The following VRK1 variants were observed in gnomAD, a reference collection of about 807,000 sequenced individuals.
VRK1 encodes serine/threonine-protein kinase VRK1.
A neutral mutation model predicts 57.1 loss-of-function variants in VRK1; 33 were observed. That is an observed-to-expected ratio of 0.58 (90% CI 0.44 to 0.77). VRK1 has a LOEUF of 0.77. VRK1 is among the 30% of genes least tolerant of loss of function. The pLI, the probability that VRK1 is intolerant of heterozygous loss-of-function variation, is 0.00. For missense variants in VRK1, 413 were observed against 477.3 expected, an observed-to-expected ratio of 0.87 and a Z score of 1.25; for synonymous variants, 137 against 147.8, an observed-to-expected ratio of 0.93 and a Z score of 0.53.
chr14:96,833,680 T>C, intron 2 of VRK1, 49 bp downstream of exon 2: 1 of 1,611,724 alleles, frequency 6.2e-7, no homozygotes, highest in Non-Finnish European at 8.5e-7. Context: ...TTATATGTTT[T>C]CTTATGAAAA....
chr14:96,854,838 A>G (rs1888086220), intron 7 of VRK1, among the ~76,000 whole-genome samples: 1 of 152,214 alleles, frequency 6.6e-6, no homozygotes, highest in African/African-American at 2.4e-5. Flanking sequence ...TGTGGAAAGT[A>G]GCAGTTGTAT....
At chr14:96,805,302 A>G (rs1206925372) in intron 1 of VRK1, among the ~76,000 whole-genome samples, 1 of 152,228 alleles carries the variant, frequency 6.6e-6, no homozygotes, top group African/African-American at 2.4e-5. Context: ...CAGTAAAGAC[A>G]TTATATATTT....
rs150874999 is a variant in VRK1, at chr14:96,812,721, G to T, written c.-6+15274G>T. 3.6e-4 allele frequency among the ~76,000 whole-genome samples: 55 copies of T among 151,806 alleles called. No individual in the cohort carries two copies. The East Asian group carries it at 0.01, about 28-fold the overall frequency. On this transcript the variant is annotated intron_variant, in intron 1 of 12. Transcript: ENST00000216639. ...GTTCTGTATTAAGCAGGATGGTTAA[G>T]AGGGTTTTCAAGCCCTTTTATGTTT...
chr14:96,822,983 T>TC (rs2139724005), intron 1 of VRK1, among the ~76,000 whole-genome samples: 1 of 152,276 alleles, frequency 6.6e-6, no homozygotes, highest in East Asian at 1.9e-4. Flanking sequence ...GCACAACTCG[T>TC]CCCTCTGCCT....
chr14:96,803,751 G>C (rs529884168), intron 1 of VRK1, among the ~76,000 whole-genome samples: 1 of 152,072 alleles, frequency 6.6e-6, no homozygotes, highest in Non-Finnish European at 1.5e-5. Flanking sequence ...TTTTTTGTGC[G>C]TACTGGTATC....
Position 96,847,310 on chromosome 14 carries a change from T to TG in VRK1, c.345dup (p.Ser116ValfsTer5). The TG allele has an allele frequency of 6.2e-7, 1 of 1,613,792 alleles. No homozygotes were observed. Among genetic ancestry groups the TG allele is most frequent in the Non-Finnish European group, 8.5e-7 (1 of 1,179,750 alleles). ...GAAGTACCTGGGTGTTCCTAAGTAT[T>TG]GGGGGTCTGGTCTACATGACAAAAA... On this transcript the variant is annotated frameshift_variant, in exon 5 of 13. Transcript: ENST00000216639. LOFTEE classifies it high-confidence loss of function.
intron 7 of VRK1, among the ~76,000 whole-genome samples, chr14:96,853,417 A>G (rs558942270): frequency 2.6e-5 from 4 of 152,294 alleles, no homozygotes; most frequent in Non-Finnish European, 5.9e-5. Context: ...TGAATTTCAA[A>G]TAGCTATTTG....
intron 3 of VRK1, among the ~76,000 whole-genome samples, chr14:96,839,338 A>G (rs752631099): frequency 6.6e-6 from 1 of 151,458 alleles, no homozygotes; most frequent in Admixed American, 6.6e-5. Context: ...TTTTATGGAG[A>G]CAGGTTTTTA....
intron 1 of VRK1, among the ~76,000 whole-genome samples, chr14:96,830,002 A>C (rs1050874355): frequency 2.2e-4 from 33 of 152,152 alleles, no homozygotes; most frequent in African/African-American, 8.0e-4. Context: ...AGCTGGGTAT[A>C]AAATCTTTGG....
chr14:96,842,624 G>A (rs1887511150), intron 3 of VRK1, among the ~76,000 whole-genome samples: 1 of 152,140 alleles, frequency 6.6e-6, no homozygotes, highest in Non-Finnish European at 1.5e-5. Flanking sequence ...ACGAAATAAA[G>A]GCAAATTGAT....
At chr14:96,802,829 C>T (rs560813880) in intron 1 of VRK1, among the ~76,000 whole-genome samples, 2 of 152,292 alleles carry the variant, frequency 1.3e-5, no homozygotes, top group East Asian at 1.9e-4. Context: ...CATGGAAGGC[C>T]ATGTGGGTTG....
intron 1 of VRK1, among the ~76,000 whole-genome samples, chr14:96,828,401 T>C (rs1886881356): frequency 6.6e-6 from 1 of 152,170 alleles, no homozygotes; most frequent in Non-Finnish European, 1.5e-5. Flanking sequence ...TTCAAAACCT[T>C]AAGGAATAGA....
intron 1 of VRK1, among the ~76,000 whole-genome samples, chr14:96,824,899 C>T (rs1009693826): frequency 2.0e-4 from 31 of 151,936 alleles, no homozygotes; most frequent in South Asian, 4.2e-4. Flanking sequence ...GTGATCCACC[C>T]GCCTCGGCCT....
chr14:96,800,812 G>C (rs983686343), intron 1 of VRK1, among the ~76,000 whole-genome samples: 8 of 151,958 alleles, frequency 5.3e-5, no homozygotes, highest in South Asian at 4.1e-4. Flanking sequence ...ATGTTTATTG[G>C]TAAGTAATTC....
chr14:96,849,609 A>G (rs148795130), intron 5 of VRK1, among the ~76,000 whole-genome samples: 1 of 152,334 alleles, frequency 6.6e-6, no homozygotes, highest in Admixed American at 6.5e-5. Flanking sequence ...AATAGTGCTT[A>G]CTTTATGAAT....
intron 2 of VRK1, among the ~76,000 whole-genome samples, chr14:96,836,777 C>T (rs1157671943): frequency 1.3e-5 from 2 of 152,066 alleles, no homozygotes; most frequent in East Asian, 1.9e-4. Flanking sequence ...GATCCACCTG[C>T]GTTGACCTCC....
chr14:96,822,402 A>AGTT (rs140359315), intron 1 of VRK1, among the ~76,000 whole-genome samples: 12,650 of 152,244 alleles, frequency 0.083, 681 homozygotes, highest in Non-Finnish European at 0.13. Context: ...CTTGTCAAAA[A>AGTT]GTTGCAGACC....
At chr14:96,880,539 C>T (rs1595694632) in intron 12 of VRK1, among the ~76,000 whole-genome samples, 1 of 152,178 alleles carries the variant, frequency 6.6e-6, no homozygotes, top group East Asian at 1.9e-4. Context: ...TTCCCATGCC[C>T]CCAGCAGAGA....
In VRK1 at chr14:96,840,096, CATT is replaced by C. The variant is rs141037681; in HGVS notation, c.216+2280_216+2282del. On this transcript the variant is annotated intron_variant, in intron 3 of 12. Coordinates refer to ENST00000216639, the MANE Select transcript of VRK1 (RefSeq NM_003384.3). ...TTTCTCAATTTAAAATTTCCAATCT[CATT>C]GTTGATTTTGGTAGCAGAGTTCTGT... Among the ~76,000 whole-genome samples, 900 of 152,220 alleles carry C rather than the reference CATT, an allele frequency of 5.9e-3. 10 individuals carry two copies. Among genetic ancestry groups the C allele is most frequent in the African/African-American group, 0.021 (862 of 41,540 alleles).
Sources: allele counts gnomAD v4.1 joint callset (sites outside exome capture counted in the v4.1 genomes callset), GRCh38; gene constraint gnomAD v4.1.1; transcripts MANE v1.5; gene names NCBI Gene and HGNC (gene_info 2026-07-23, HGNC 2026-07-21).